PRPSAP1: variants seen among roughly 807,000 people sequenced by gnomAD.
PRPSAP1 encodes the protein phosphoribosyl pyrophosphate synthetase associated protein 1.
In PRPSAP1, 31 loss-of-function variants were observed where a neutral mutation model predicts 39.4. That is an observed-to-expected ratio of 0.79 (90% CI 0.59 to 1.06). PRPSAP1 has a LOEUF of 1.06. Ranked by LOEUF, PRPSAP1 falls within the 50% of genes least tolerant of loss-of-function variation. The probability of loss-of-function intolerance (pLI) is 0.00; values close to 1 mark genes in which losing one functional copy is unlikely to be tolerated. For synonymous variants in PRPSAP1, 212 were observed against 192.6 expected (o/e 1.10, Z -0.83); for missense variants, 430 against 511.6 (o/e 0.84, Z 1.54).
chr17:76,339,756 A>G (rs1246941565), intron 3 of PRPSAP1, among the ~76,000 whole-genome samples: 1 of 151,648 alleles, frequency 6.6e-6, no homozygotes, highest in East Asian at 1.9e-4. Flanking sequence ...CTTATGTAAA[A>G]TTGTCATTGT....
rs138922014 is a variant in PRPSAP1 at position 76,326,343 on chromosome 17, A to C, written c.781+2374T>G. Among the ~76,000 whole-genome samples the C allele has an allele frequency of 1.5e-4, 23 of 152,338 alleles. No individual in the cohort carries two copies. In the East Asian group the frequency reaches 4.0e-3, roughly 27 times the overall value. ...GTAGATGTTCATTTTGATGAGAAGC[A>C]GAATATTTACAGTTAAAACATAGTC... On this transcript the variant is annotated intron_variant, in intron 7 of 9. Coordinates refer to ENST00000446526, the MANE Select transcript of PRPSAP1 (RefSeq NM_002766.3).
At chr17:76,342,347 C>T (rs1190964842) in intron 3 of PRPSAP1, among the ~76,000 whole-genome samples, 1 of 152,144 alleles carries the variant, frequency 6.6e-6, no homozygotes, top group African/African-American at 2.4e-5. Context: ...AAAGAGCCAT[C>T]ACGGTGAAAC....
chr17:76,338,210 C>T (rs917276698), intron 3 of PRPSAP1, among the ~76,000 whole-genome samples: 1 of 152,004 alleles, frequency 6.6e-6, no homozygotes, highest in African/African-American at 2.4e-5. Context: ...CAAAGCTATT[C>T]CAAGCAAAAA....
intron 2 of PRPSAP1, among the ~76,000 whole-genome samples, chr17:76,346,387 C>T (rs187492819): frequency 7.2e-5 from 11 of 152,260 alleles, no homozygotes; most frequent in African/African-American, 2.2e-4. Flanking sequence ...GCCACCTCAG[C>T]ACACAAAAGC....
chr17:76,315,516 T>A (rs2071112906), intron 7 of PRPSAP1, among the ~76,000 whole-genome samples: 1 of 151,996 alleles, frequency 6.6e-6, no homozygotes, highest in African/African-American at 2.4e-5. Context: ...AACATATATT[T>A]CCTGATTTCA....
intron 1 of PRPSAP1, among the ~76,000 whole-genome samples, chr17:76,351,702 G>C (rs911838454): frequency 6.6e-6 from 1 of 152,048 alleles, no homozygotes; most frequent in Non-Finnish European, 1.5e-5. Context: ...AAACAGATAA[G>C]ATAAAACAAA....
At chr17:76,348,090 G>A (rs543993117) in intron 2 of PRPSAP1, among the ~76,000 whole-genome samples, 25 of 152,210 alleles carry the variant, frequency 1.6e-4, no homozygotes, top group Admixed American at 1.3e-3. Context: ...GGGAAGCTGC[G>A]GTGGGAAGAC....
At chr17:76,325,717 T>C (rs1471838447) in intron 7 of PRPSAP1, among the ~76,000 whole-genome samples, 1 of 150,858 alleles carries the variant, frequency 6.6e-6, no homozygotes, top group Non-Finnish European at 1.5e-5. Context: ...GCCATTCTCC[T>C]GCCTCAGCCA....
At chr17:76,349,265 T>C (rs1261181521) in intron 1 of PRPSAP1, among the ~76,000 whole-genome samples, 1 of 150,756 alleles carries the variant, frequency 6.6e-6, no homozygotes, top group Admixed American at 6.7e-5. Context: ...GATCGCGCCA[T>C]TGCACTCCCG....
intron 2 of PRPSAP1, 26 bp downstream of exon 2, chr17:76,348,502 TA>T (rs745768447): frequency 8.2e-6 from 11 of 1,339,304 alleles, no homozygotes; most frequent in Non-Finnish European, 9.7e-6. Flanking sequence ...AAAATAATTT[TA>T]AAAAAAAGAA....
intron 9 of PRPSAP1, 174 bp downstream of exon 9, chr17:76,312,696 G>T: frequency 1.4e-6 from 1 of 690,772 alleles, no homozygotes. Context: ...TTGAACCATG[G>T]TAAGTCGTGG....
chr17:76,328,910 G>A lies in PRPSAP1; in HGVS notation c.636-48C>T, dbSNP rs752168923. 121 of 1,552,492 alleles carry A rather than the reference G, an allele frequency of 7.8e-5. 1 individual carries two copies. The highest frequency in any genetic ancestry group is 6.8e-4 in the Middle Eastern group (4 of 5,900). ...TGAAACTGACAGGAAGAAATCCCAC[G>A]CATCACTACGGCATCATTTTTTAAC... On this transcript the variant is annotated intron_variant, in intron 6 of 9. Transcript: ENST00000446526.
chr17:76,322,505 T>A (rs1567800117), intron 7 of PRPSAP1, among the ~76,000 whole-genome samples: 1 of 152,172 alleles, frequency 6.6e-6, no homozygotes, highest in Non-Finnish European at 1.5e-5. Context: ...CTGCAGCCCA[T>A]TGAACAAGGA....
chr17:76,320,851 G>A (rs969658037), intron 7 of PRPSAP1, among the ~76,000 whole-genome samples: 20 of 150,484 alleles, frequency 1.3e-4, no homozygotes, highest in African/African-American at 4.4e-4. Context: ...GTGCGATCTC[G>A]GCTCACTGCA....
intron 1 of PRPSAP1, among the ~76,000 whole-genome samples, chr17:76,352,084 G>A (rs1327214072): frequency 6.7e-6 from 1 of 149,866 alleles, no homozygotes; most frequent in Non-Finnish European, 1.5e-5. Context: ...AAAACAAGCA[G>A]AGCTGAAAAA....
At chr17:76,322,075 C>G (rs566523686) in intron 7 of PRPSAP1, among the ~76,000 whole-genome samples, 11 of 152,278 alleles carry the variant, frequency 7.2e-5, no homozygotes, top group Non-Finnish European at 1.3e-4. Flanking sequence ...GAAGATCTAA[C>G]TAAGATAATT....
intron 1 of PRPSAP1, among the ~76,000 whole-genome samples, chr17:76,350,092 A>G (rs1441968073): frequency 3.3e-5 from 5 of 149,732 alleles, no homozygotes; most frequent in Admixed American, 2.7e-4. Flanking sequence ...AAAAACAACA[A>G]AACTCCAGCC....
chr17:76,354,092 C>T, upstream of PRPSAP1: 1 of 1,033,562 alleles, frequency 9.7e-7, no homozygotes, highest in Non-Finnish European at 1.2e-6. Flanking sequence ...CTTTCGGTCT[C>T]ACTTTCTTGG....
chr17:76,316,190 A>G (rs1040956495), intron 7 of PRPSAP1, among the ~76,000 whole-genome samples: 3 of 146,480 alleles, frequency 2.0e-5, no homozygotes, highest in Admixed American at 6.6e-5. Flanking sequence ...AAAAAAAAAA[A>G]AGAAAAAAAA....
Sources: allele counts gnomAD v4.1 joint callset (sites outside exome capture counted in the v4.1 genomes callset), GRCh38; gene constraint gnomAD v4.1.1; transcripts MANE v1.5; gene names NCBI Gene and HGNC (gene_info 2026-07-23, HGNC 2026-07-21).